CREB5: variants seen among roughly 807,000 people sequenced by gnomAD.
CREB5 encodes the protein cAMP responsive element binding protein 5.
CREB5 carries 19 observed loss-of-function variants against 57.1 expected under a neutral mutation model. The ratio of observed to expected loss-of-function variants is 0.33; its 90% CI spans 0.23 to 0.49. The LOEUF (loss-of-function observed/expected upper bound fraction) is 0.49, where lower values mean the gene tolerates loss of function less well. Among genes scored for constraint, CREB5 ranks in the 20% least tolerant of loss-of-function variants. CREB5 has a pLI of 0.99. For missense variants in CREB5, 579 were observed against 671.6 expected, an observed-to-expected ratio of 0.86 and a Z score of 1.52; for synonymous variants, 238 against 238.3, an observed-to-expected ratio of 1.00 and a Z score of 0.01.
chr7:28,420,453 G>A (rs1371690684), intron 1 of CREB5, among the ~76,000 whole-genome samples: 1 of 152,172 alleles, frequency 6.6e-6, no homozygotes, highest in African/African-American at 2.4e-5. Flanking sequence ...AGGGGGTTCT[G>A]GAGATTGGTT....
intron 1 of CREB5, among the ~76,000 whole-genome samples, chr7:28,355,897 C>A (rs1456410667): frequency 3.3e-5 from 5 of 152,294 alleles, no homozygotes; most frequent in Admixed American, 2.0e-4. Flanking sequence ...TGCAATAACA[C>A]TTTTTAATGC....
intron 4 of CREB5, among the ~76,000 whole-genome samples, chr7:28,544,666 T>C (rs1039077137): frequency 6.6e-6 from 1 of 152,132 alleles, no homozygotes; most frequent in African/African-American, 2.4e-5. Context: ...TGAGGAGCCA[T>C]ACAGGATAAT....
intron 5 of CREB5, among the ~76,000 whole-genome samples, chr7:28,635,403 TA>T (rs1798378893): frequency 6.6e-6 from 1 of 152,220 alleles, no homozygotes; most frequent in Non-Finnish European, 1.5e-5. Flanking sequence ...GTGGTAGTGG[TA>T]ATGATCCTGG....
Position 28,374,970 on chromosome 7 carries a change from A to C in CREB5, c.-25+75529A>C, listed in dbSNP as rs185916381. ...GAAAGTTCTTCCCTCATTGACATCT[A>C]TCAGTTGGCTCTCTTCTGCCCCAGG... On this transcript the variant is annotated intron_variant, in intron 1 of 9. Coordinates refer to the CREB5 transcript ENST00000396299. Among the ~76,000 whole-genome samples the C allele has an allele frequency of 2.9e-4, 44 of 152,318 alleles. 1 individual carries two copies. Among genetic ancestry groups the C allele is most frequent in the African/African-American group, 1.0e-3 (43 of 41,558 alleles).
intron 1 of CREB5, among the ~76,000 whole-genome samples, chr7:28,306,161 A>G (rs1254608096): frequency 6.6e-6 from 1 of 152,172 alleles, no homozygotes; most frequent in Non-Finnish European, 1.5e-5. Context: ...CATAATTGTA[A>G]CACTTGCTGT....
At chr7:28,653,745 G>A (rs971812955) in intron 5 of CREB5, among the ~76,000 whole-genome samples, 11 of 152,230 alleles carry the variant, frequency 7.2e-5, no homozygotes, top group African/African-American at 2.7e-4. Context: ...GCTCTGATTT[G>A]TAGTGTTTGC....
At chr7:28,310,596 G>T (rs1423922779) in intron 1 of CREB5, among the ~76,000 whole-genome samples, 1 of 152,194 alleles carries the variant, frequency 6.6e-6, no homozygotes, top group Non-Finnish European at 1.5e-5. Context: ...CAAGTGCAGG[G>T]TGATACATTT....
intron 5 of CREB5, among the ~76,000 whole-genome samples, chr7:28,677,140 G>T (rs1583527771): frequency 6.6e-6 from 1 of 152,124 alleles, no homozygotes; most frequent in African/African-American, 2.4e-5. Context: ...CTCCTTTAGA[G>T]CATGGACAGC....
chr7:28,526,246 G>A (rs1793444933), intron 4 of CREB5, among the ~76,000 whole-genome samples: 1 of 152,182 alleles, frequency 6.6e-6, no homozygotes, highest in African/African-American at 2.4e-5. Flanking sequence ...TAAATCAAAA[G>A]TCCAAGGGCT....
intron 7 of CREB5, among the ~76,000 whole-genome samples, chr7:28,800,711 A>G (rs968164376): frequency 1.3e-5 from 2 of 152,180 alleles, no homozygotes; most frequent in African/African-American, 4.8e-5. Context: ...TAAATTTCAG[A>G]AAGAGTGCAT....
chr7:28,784,373 C>A lies in CREB5; in HGVS notation c.703-19826C>A, dbSNP rs1363507409. On this transcript the variant is annotated intron_variant, in intron 7 of 10. Transcript: ENST00000357727. The stretch of plus-strand genomic sequence containing the variant: ...TTTTAACAGCCAGCTGGAGTGCAAT[C>A]AAAATGTGTGATAAATTATCTGTCA... 2.0e-5 allele frequency among the ~76,000 whole-genome samples: 3 copies of A among 151,694 alleles called. No individual in the cohort carries two copies. In the South Asian group the frequency reaches 6.2e-4, roughly 32 times the overall value.
In CREB5 at chr7:28,775,107, A is replaced by G. The variant is rs374872480; in HGVS notation, c.703-29092A>G. On this transcript the variant is annotated intron_variant, in intron 7 of 10. Transcript: ENST00000357727. ...TGTCCTTTGAATTCTGCATTTCAAA[A>G]ATCTATAGGAAGCTGAAACCTAAAA... Among the ~76,000 whole-genome samples the G allele has an allele frequency of 9.2e-5, 14 of 152,352 alleles. No individual in the cohort carries two copies. In the South Asian group the frequency reaches 2.9e-3, roughly 32 times the overall value.
intron 7 of CREB5, among the ~76,000 whole-genome samples, chr7:28,736,255 C>T (rs892011727): frequency 8.6e-5 from 13 of 150,396 alleles, no homozygotes; most frequent in African/African-American, 1.5e-4. Flanking sequence ...CTGCAACCTC[C>T]GCTTCCCAGG....
intron 1 of CREB5, among the ~76,000 whole-genome samples, chr7:28,420,676 C>T (rs560077660): frequency 1.1e-3 from 162 of 152,118 alleles, no homozygotes; most frequent in Admixed American, 2.5e-3. Flanking sequence ...GGCATGGTGG[C>T]ACACACCTGT....
chr7:28,613,425 C>A (rs1052939122), intron 5 of CREB5, among the ~76,000 whole-genome samples: 1 of 152,174 alleles, frequency 6.6e-6, no homozygotes, highest in Non-Finnish European at 1.5e-5. Flanking sequence ...ACATTGCCAC[C>A]CGGCTTGAGC....
intron 6 of CREB5, among the ~76,000 whole-genome samples, chr7:28,723,901 A>G (rs1404443016): frequency 3.3e-5 from 5 of 152,202 alleles, no homozygotes; most frequent in Admixed American, 3.3e-4. Flanking sequence ...TTACAGCCAT[A>G]CAAATAAGCA....
At chr7:28,652,875 G>T (rs1444412114) in intron 5 of CREB5, among the ~76,000 whole-genome samples, 1 of 152,164 alleles carries the variant, frequency 6.6e-6, no homozygotes, top group East Asian at 1.9e-4. Flanking sequence ...AATAAAAGAT[G>T]ATTAGTGACC....
At chr7:28,568,820 C>T (rs1052075623) in intron 4 of CREB5, among the ~76,000 whole-genome samples, 1 of 152,212 alleles carries the variant, frequency 6.6e-6, no homozygotes, top group Non-Finnish European at 1.5e-5. Context: ...ACAGCCACCC[C>T]AAATACCGTA....
intron 7 of CREB5, among the ~76,000 whole-genome samples, chr7:28,791,361 G>A (rs1010968260): frequency 6.6e-6 from 1 of 151,948 alleles, no homozygotes; most frequent in African/African-American, 2.4e-5. Flanking sequence ...CTTTCTCTCT[G>A]TCCTTGTTTC....
Sources: gnomAD v4.1 joint callset for allele counts (sites outside exome capture counted in the v4.1 genomes callset) on GRCh38, gnomAD v4.1.1 for gene constraint, MANE v1.5 for transcripts, NCBI Gene and HGNC (gene_info 2026-07-23, HGNC 2026-07-21) for gene names.